Variants in CFDP1 observed in about 807,000 individuals in gnomAD.
CFDP1 encodes the protein heterochromatin-stabilizing protein CFDP1.
A neutral mutation model predicts 40.1 loss-of-function variants in CFDP1; 31 were observed. The observed-to-expected ratio is 0.77, with a 90% CI of 0.58 to 1.04. The LOEUF (loss-of-function observed/expected upper bound fraction) is 1.04. Among genes scored for constraint, CFDP1 ranks in the 50% least tolerant of loss-of-function variants. CFDP1 has a pLI of 0.00. For missense variants in CFDP1, 423 were observed against 343.4 expected, an observed-to-expected ratio of 1.23 and a Z score of -1.83; for synonymous variants, 167 against 120.0, an observed-to-expected ratio of 1.39 and a Z score of -2.56.
intron 4 of CFDP1, among the ~76,000 whole-genome samples, chr16:75,399,279 C>T (rs953770448): frequency 1.2e-4 from 19 of 152,104 alleles, no homozygotes; most frequent in African/African-American, 4.3e-4. Context: ...AACCCACATC[C>T]AAATCTCAGG....
chr16:75,322,922 C>G lies in CFDP1; in HGVS notation c.651-17740G>C, dbSNP rs577697275. 2.6e-5 allele frequency among the ~76,000 whole-genome samples: 4 copies of G among 152,248 alleles called. No individual in the cohort carries two copies. The South Asian group carries it at 6.2e-4, about 24-fold the overall frequency. On this transcript the variant is annotated intron_variant, in intron 5 of 6. Transcript: ENST00000283882. Reference sequence around the variant, plus strand: ...GGACTGGAAGTTGCTCTGGGTGAGTCAGTGAGTGAGTGGTGAGTGAATGTG... The same window carrying G: ...GGACTGGAAGTTGCTCTGGGTGAGTGAGTGAGTGAGTGGTGAGTGAATGTG...
intron 4 of CFDP1, among the ~76,000 whole-genome samples, chr16:75,403,287 C>T (rs777014504): frequency 2.0e-5 from 3 of 152,178 alleles, no homozygotes; most frequent in Non-Finnish European, 4.4e-5. Flanking sequence ...GGCACGATCT[C>T]AGCACACAGC....
At chr16:75,403,896 C>T (rs2079076525) in intron 4 of CFDP1, among the ~76,000 whole-genome samples, 1 of 151,992 alleles carries the variant, frequency 6.6e-6, no homozygotes, top group Non-Finnish European at 1.5e-5. Context: ...CTTTGGGAGG[C>T]CGAAGTGGGC....
At chr16:75,365,751 A>C (rs1022212590) in intron 5 of CFDP1, among the ~76,000 whole-genome samples, 17 of 152,192 alleles carry the variant, frequency 1.1e-4, no homozygotes, top group African/African-American at 3.4e-4. Flanking sequence ...TACAACTCAT[A>C]ATTCATCAGA....
intron 5 of CFDP1, among the ~76,000 whole-genome samples, chr16:75,337,747 C>T (rs926671185): frequency 6.6e-5 from 10 of 152,126 alleles, no homozygotes; most frequent in African/African-American, 2.2e-4. Flanking sequence ...ATCACGAAAA[C>T]AGCAAGGGGG....
chr16:75,398,595 T>C (rs781344828), intron 4 of CFDP1, among the ~76,000 whole-genome samples: 3 of 152,212 alleles, frequency 2.0e-5, no homozygotes, highest in African/African-American at 7.2e-5. Flanking sequence ...CTCTCAAGAA[T>C]GCACCTTTGA....
intron 5 of CFDP1, among the ~76,000 whole-genome samples, chr16:75,325,679 T>A (rs1264611915): frequency 6.6e-6 from 1 of 152,242 alleles, no homozygotes; most frequent in Non-Finnish European, 1.5e-5. Context: ...TGGCACTTGG[T>A]AGGCACTCAA....
At chr16:75,309,109 A>C (rs905977039) in intron 5 of CFDP1, among the ~76,000 whole-genome samples, 1 of 152,202 alleles carries the variant, frequency 6.6e-6, no homozygotes, top group Non-Finnish European at 1.5e-5. Context: ...CAGGGGGCTC[A>C]TGATAACCAG....
At chr16:75,332,946 T>G (rs1470103786) in intron 5 of CFDP1, among the ~76,000 whole-genome samples, 3 of 150,346 alleles carry the variant, frequency 2.0e-5, no homozygotes, top group African/African-American at 7.3e-5. Flanking sequence ...TAGCTAGGAT[T>G]ACAGGGCCCT....
intron 6 of CFDP1, among the ~76,000 whole-genome samples, chr16:75,296,217 G>A (rs1332698482): frequency 6.6e-6 from 1 of 152,152 alleles, no homozygotes; most frequent in African/African-American, 2.4e-5. Context: ...GTAAGTATGT[G>A]GCTTTAAGCA....
At chr16:75,419,505 A>G (rs1479416159) in intron 1 of CFDP1, among the ~76,000 whole-genome samples, 1 of 152,196 alleles carries the variant, frequency 6.6e-6, no homozygotes, top group Admixed American at 6.5e-5. Context: ...GTAATGCCAA[A>G]AAGCAATTTA....
At chr16:75,336,444 G>C (rs1437705055) in intron 5 of CFDP1, among the ~76,000 whole-genome samples, 2 of 152,234 alleles carry the variant, frequency 1.3e-5, no homozygotes, top group African/African-American at 2.4e-5. Context: ...CAGTGATCCT[G>C]AGCACAATCT....
chr16:75,411,195 C>A (rs1019735214), intron 4 of CFDP1, among the ~76,000 whole-genome samples: 2 of 151,784 alleles, frequency 1.3e-5, no homozygotes, highest in African/African-American at 4.8e-5. Context: ...CCAGCCTGCA[C>A]AACGGGAGCG....
intron 1 of CFDP1, among the ~76,000 whole-genome samples, chr16:75,421,167 T>A (rs563090933): frequency 4.2e-4 from 64 of 152,140 alleles, no homozygotes; most frequent in African/African-American, 1.5e-3. Flanking sequence ...CCCCTCTTCT[T>A]CCTGTGTGCA....
In CFDP1 at chr16:75,399,056, CAAAAAAAAAAAAAA is replaced by C. The variant is rs58692180; in HGVS notation, c.531-3861_531-3848del. Among the ~76,000 whole-genome samples, 25 of 98,050 alleles carry C rather than the reference CAAAAAAAAAAAAAA, an allele frequency of 2.5e-4. 1 individual carries two copies. The highest frequency in any genetic ancestry group is 2.0e-3 in the Admixed American group (16 of 7,940). 64.3% of individuals were successfully genotyped at this position (98,050 alleles called of 152,430 possible). A position where few individuals can be genotyped will look rare whatever the true frequency, so the allele number is the denominator to read the frequency against. On this transcript the variant is annotated intron_variant, in intron 4 of 6. Transcript: ENST00000283882. Reference sequence around the variant, plus strand: ...TGGGAGACAGAGCGAGACTCCGTCTCAAAAAAAAAAAAAAAAAAAAAAAGAAAACCTGTGAAGTG... The same window carrying C: ...TGGGAGACAGAGCGAGACTCCGTCTCAAAAAAAAAGAAAACCTGTGAAGTG...
intron 5 of CFDP1, among the ~76,000 whole-genome samples, chr16:75,352,381 C>T (rs1048380796): frequency 4.6e-5 from 7 of 151,492 alleles, no homozygotes; most frequent in Non-Finnish European, 8.8e-5. Flanking sequence ...AACAAAAAGA[C>T]CACCCAATTA....
At chr16:75,430,061 G>T (rs1230784433) in intron 1 of CFDP1, among the ~76,000 whole-genome samples, 2 of 152,162 alleles carry the variant, frequency 1.3e-5, no homozygotes, top group African/African-American at 4.8e-5. Flanking sequence ...GTGCTTCCAG[G>T]CTACAGGTAA....
chr16:75,429,017 T>TGAGGTGGGA (rs1296960854), intron 1 of CFDP1, among the ~76,000 whole-genome samples: 2 of 107,108 alleles, frequency 1.9e-5, no homozygotes, highest in African/African-American at 5.6e-5. Flanking sequence ...CTCCGGAGGC[T>TGAGGTGGGA]GAGGTGGGAG....
At chr16:75,431,626 G>C (rs1039806368) in intron 1 of CFDP1, among the ~76,000 whole-genome samples, 2 of 152,056 alleles carry the variant, frequency 1.3e-5, no homozygotes, top group African/African-American at 4.8e-5. Context: ...GCCACAGAGC[G>C]AGACACTGTC....
Sources: allele counts gnomAD v4.1 joint callset (sites outside exome capture counted in the v4.1 genomes callset), GRCh38; gene constraint gnomAD v4.1.1; transcripts MANE v1.5; gene names NCBI Gene and HGNC (gene_info 2026-07-23, HGNC 2026-07-21).